RUNDC3B: variants seen among roughly 807,000 people sequenced by gnomAD.
RUNDC3B encodes RUN domain containing 3B, also known as RUN domain-containing protein 3B.
A neutral mutation model predicts 58.4 loss-of-function variants in RUNDC3B; 33 were observed. The ratio of observed to expected loss-of-function variants is 0.56; its 90% CI spans 0.43 to 0.75. The LOEUF (loss-of-function observed/expected upper bound fraction) is 0.75, where lower values mean the gene tolerates loss of function less well. Ranked by LOEUF, RUNDC3B falls within the 30% of genes least tolerant of loss-of-function variation. The probability of loss-of-function intolerance (pLI) is 0.00; values close to 1 mark genes in which losing one functional copy is unlikely to be tolerated. For synonymous variants in RUNDC3B, 193 were observed against 195.2 expected, an observed-to-expected ratio of 0.99 and a Z score of 0.10; for missense variants, 501 against 535.7, an observed-to-expected ratio of 0.94 and a Z score of 0.64.
chr7:87,655,851 A>G (rs758332374), intron 2 of RUNDC3B, among the ~76,000 whole-genome samples: 1 of 152,124 alleles, frequency 6.6e-6, no homozygotes, highest in South Asian at 2.1e-4. Context: ...TCATAAGGGC[A>G]GAGCCCTCAT....
intron 2 of RUNDC3B, among the ~76,000 whole-genome samples, chr7:87,652,462 T>C (rs970937734): frequency 2.0e-5 from 3 of 151,992 alleles, no homozygotes; most frequent in Admixed American, 6.6e-5. Context: ...TTCTGAATAA[T>C]ACTATAATGC....
intron 2 of RUNDC3B, among the ~76,000 whole-genome samples, chr7:87,674,804 G>C (rs1482415571): frequency 6.6e-6 from 1 of 152,058 alleles, no homozygotes; most frequent in East Asian, 1.9e-4. Context: ...CTGACAGGAG[G>C]GTGCTTAGAT....
chr7:87,801,937 G>A (rs984141610), intron 8 of RUNDC3B, among the ~76,000 whole-genome samples: 1 of 152,066 alleles, frequency 6.6e-6, no homozygotes, highest in African/African-American at 2.4e-5. Context: ...GTAAATAACT[G>A]CATTTTTGCT....
chr7:87,781,433 G>A lies in RUNDC3B; in HGVS notation c.956+3478G>A, dbSNP rs1330201395. ...TATATAATTATATCATCAGGAAAGAGAGACAATATGACTTCTCTTTTACCT... is the reference window on the plus strand; with the variant it reads ...TATATAATTATATCATCAGGAAAGAAAGACAATATGACTTCTCTTTTACCT... On this transcript the variant is annotated intron_variant, in intron 8 of 10. Transcript: ENST00000394654. 3.9e-5 allele frequency among the ~76,000 whole-genome samples: 6 copies of A among 152,170 alleles called. No homozygotes were observed. The East Asian group carries it at 1.2e-3, about 29-fold the overall frequency.
chr7:87,693,064 T>A (rs962605576), intron 2 of RUNDC3B, among the ~76,000 whole-genome samples: 1 of 152,158 alleles, frequency 6.6e-6, no homozygotes, highest in African/African-American at 2.4e-5. Context: ...TGTGGGACCA[T>A]GTACTATTGG....
intron 1 of RUNDC3B, among the ~76,000 whole-genome samples, chr7:87,647,141 C>A (rs988564979): frequency 3.3e-5 from 5 of 152,164 alleles, no homozygotes; most frequent in African/African-American, 1.2e-4. Flanking sequence ...ATTCTCGTTT[C>A]ATAGGAGAGT....
intron 1 of RUNDC3B, among the ~76,000 whole-genome samples, chr7:87,638,056 A>C (rs1336128426): frequency 6.6e-6 from 1 of 152,002 alleles, no homozygotes; most frequent in African/African-American, 2.4e-5. Context: ...TTATTGTATT[A>C]TTAAATTTTT....
chr7:87,812,310 A>G (rs566135490), intron 9 of RUNDC3B, among the ~76,000 whole-genome samples: 42 of 152,192 alleles, frequency 2.8e-4, no homozygotes, highest in Non-Finnish European at 5.6e-4. Context: ...AGTTTAATTT[A>G]AATTATGTTT....
chr7:87,646,277 C>T (rs1822992539), intron 1 of RUNDC3B, among the ~76,000 whole-genome samples: 1 of 152,038 alleles, frequency 6.6e-6, no homozygotes, highest in Non-Finnish European at 1.5e-5. Context: ...GCACTAATAG[C>T]CATGGCTTTT....
At chr7:87,634,831 C>G (rs1457555893) in intron 1 of RUNDC3B, among the ~76,000 whole-genome samples, 1 of 152,084 alleles carries the variant, frequency 6.6e-6, no homozygotes, top group African/African-American at 2.4e-5. Context: ...TAGTTATATA[C>G]CTTGGAAGCA....
At chr7:87,657,448 ATGGGAAGCTTAGAATTC>A (rs1824219297) in intron 2 of RUNDC3B, among the ~76,000 whole-genome samples, 1 of 152,202 alleles carries the variant, frequency 6.6e-6, no homozygotes, top group Non-Finnish European at 1.5e-5. Flanking sequence ...AAAAGGCTGA[ATGGGAAGCTTAGAATTC>A]CGCCCTCCTG....
chr7:87,713,665 G>C (rs1328861108), intron 4 of RUNDC3B, among the ~76,000 whole-genome samples: 1 of 146,804 alleles, frequency 6.8e-6, no homozygotes, highest in Non-Finnish European at 1.5e-5. Flanking sequence ...AAAAAAAAAA[G>C]AGAGAGACTT....
At chr7:87,676,812 A>G (rs1442484928) in intron 2 of RUNDC3B, among the ~76,000 whole-genome samples, 1 of 152,122 alleles carries the variant, frequency 6.6e-6, no homozygotes, top group East Asian at 1.9e-4. Flanking sequence ...CTTCCACTAA[A>G]TAATAAAAAT....
intron 6 of RUNDC3B, among the ~76,000 whole-genome samples, chr7:87,748,603 T>TAC (rs886473783): frequency 6.6e-6 from 1 of 151,952 alleles, no homozygotes; most frequent in Non-Finnish European, 1.5e-5. Context: ...ATGTCACACA[T>TAC]ACACACACAC....
chr7:87,685,130 A>G (rs186852092), intron 2 of RUNDC3B, among the ~76,000 whole-genome samples: 2 of 152,328 alleles, frequency 1.3e-5, no homozygotes, highest in East Asian at 3.9e-4. Context: ...TCCCTGAAAG[A>G]CACTGTTAAT....
intron 6 of RUNDC3B, among the ~76,000 whole-genome samples, chr7:87,748,318 C>A (rs1832766743): frequency 1.3e-5 from 2 of 152,144 alleles, no homozygotes; most frequent in South Asian, 4.2e-4. Flanking sequence ...AGTTGGGGCA[C>A]CCACGGTATT....
At chr7:87,645,652 T>C (rs1822930056) in intron 1 of RUNDC3B, among the ~76,000 whole-genome samples, 1 of 152,226 alleles carries the variant, frequency 6.6e-6, no homozygotes, top group Admixed American at 6.5e-5. Context: ...GTCATCATTA[T>C]CAGGAAATAG....
intron 6 of RUNDC3B, among the ~76,000 whole-genome samples, chr7:87,743,273 A>G (rs1239586808): frequency 6.6e-6 from 1 of 152,212 alleles, no homozygotes; most frequent in African/African-American, 2.4e-5. Context: ...GCTGCTATAA[A>G]CATGCGTGTG....
chr7:87,734,823 A>G (rs772030385), intron 4 of RUNDC3B, among the ~76,000 whole-genome samples: 12 of 152,208 alleles, frequency 7.9e-5, no homozygotes, highest in South Asian at 6.2e-4. Context: ...GAAGTTGACT[A>G]CTTCATCGTT....
Sources: gnomAD v4.1 joint callset for allele counts (sites outside exome capture counted in the v4.1 genomes callset) on GRCh38, gnomAD v4.1.1 for gene constraint, MANE v1.5 for transcripts, NCBI Gene and HGNC (gene_info 2026-07-23, HGNC 2026-07-21) for gene names.